LIPC: variants seen among roughly 807,000 people sequenced by gnomAD.
LIPC encodes lipase C, hepatic type, also known as hepatic triacylglycerol lipase.
In LIPC, 44 loss-of-function variants were observed where a neutral mutation model predicts 50.7. The observed-to-expected ratio is 0.87, with a 90% CI of 0.68 to 1.11. The LOEUF (loss-of-function observed/expected upper bound fraction) is 1.11, where lower values mean the gene tolerates loss of function less well. Ranked by LOEUF, LIPC falls within the 50% of genes most tolerant of loss-of-function variation. The pLI, the probability that LIPC is intolerant of heterozygous loss-of-function variation, is 0.00. For missense variants in LIPC, 697 were observed against 648.2 expected (o/e 1.08, Z -0.82); for synonymous variants, 271 against 256.4 (o/e 1.06, Z -0.54).
intron 1 of LIPC, among the ~76,000 whole-genome samples, chr15:58,462,861 C>T (rs1422143626): frequency 6.6e-6 from 1 of 152,202 alleles, no homozygotes; most frequent in Admixed American, 6.5e-5. Flanking sequence ...ACCAGCTGAG[C>T]TCTGCTGGTC....
chr15:58,567,672 T>C (rs751852359), intron 8 of LIPC, among the ~76,000 whole-genome samples: 18 of 152,200 alleles, frequency 1.2e-4, no homozygotes, highest in Non-Finnish European at 1.6e-4. Flanking sequence ...TGGAATGTCA[T>C]GAAGCAGGTG....
intron 1 of LIPC, among the ~76,000 whole-genome samples, chr15:58,451,247 G>A (rs954308108): frequency 5.9e-5 from 9 of 152,124 alleles, no homozygotes; most frequent in African/African-American, 9.7e-5. Flanking sequence ...AACATATTTG[G>A]AGATACGAAA....
Position 58,568,812 on chromosome 15 carries a change from G to C in LIPC, c.1485G>C (p.Lys495Asn). The C allele has an allele frequency of 1.3e-6, 2 of 1,595,720 alleles. No individual in the cohort carries two copies. The highest frequency in any genetic ancestry group is 8.6e-7 in the Non-Finnish European group (1 of 1,165,188). The change falls in exon 9 of 9, where the codon AAG (lysine) becomes AAC (asparagine). Residue 495 changes from lysine (K) to asparagine (N), a missense_variant. Coordinates refer to ENST00000299022, the MANE Select transcript of LIPC (RefSeq NM_000236.3). ...VKCEIKSKTS[K>N]RKIR ...GTGAAATAAAGTCTAAAACATCAAA[G>C]CGAAAGATCAGATGAGATTTAATGA... is the stretch of plus-strand genomic sequence containing the variant.
At chr15:58,451,830 G>A (rs1474528555) in intron 1 of LIPC, among the ~76,000 whole-genome samples, 2 of 152,166 alleles carry the variant, frequency 1.3e-5, no homozygotes, top group Non-Finnish European at 2.9e-5. Flanking sequence ...TCACACAGCT[G>A]TGGCTCTGCA....
intron 1 of LIPC, among the ~76,000 whole-genome samples, chr15:58,513,673 C>T (rs1240619695): frequency 1.3e-5 from 2 of 152,100 alleles, no homozygotes; most frequent in Non-Finnish European, 2.9e-5. Flanking sequence ...TTAGCACGTC[C>T]CTCAAATAAA....
chr15:58,538,244 T>G (rs1595931342), intron 1 of LIPC, 89 bp from the exon 2 acceptor site: 1 of 1,266,730 alleles, frequency 7.9e-7, no homozygotes, highest in East Asian at 2.3e-5. Context: ...CTCTTTGGCT[T>G]GTGCTTGTAG....
intron 8 of LIPC, 118 bp downstream of exon 8, chr15:58,563,841 G>A: frequency 1.2e-6 from 1 of 860,476 alleles, no homozygotes; most frequent in Non-Finnish European, 1.9e-6. Flanking sequence ...CCCTAGTGAT[G>A]GAGTACAGAA....
At chr15:58,450,001 C>T (rs1223363408) in intron 1 of LIPC, among the ~76,000 whole-genome samples, 1 of 152,188 alleles carries the variant, frequency 6.6e-6, no homozygotes, top group Admixed American at 6.5e-5. Context: ...AGCCTGTCCT[C>T]TGTCCAGAGT....
At chr15:58,474,595 A>T (rs1262821194) in intron 1 of LIPC, among the ~76,000 whole-genome samples, 1 of 151,614 alleles carries the variant, frequency 6.6e-6, no homozygotes, top group African/African-American at 2.4e-5. Context: ...ATTTATCAGC[A>T]TTTTGTAGAG....
At chr15:58,437,260 G>A (rs1239299097) in intron 1 of LIPC, among the ~76,000 whole-genome samples, 1 of 152,158 alleles carries the variant, frequency 6.6e-6, no homozygotes, top group Non-Finnish European at 1.5e-5. Context: ...ATTTTGAGTG[G>A]GGAGCAGGTG....
chr15:58,521,710 G>C (rs1328226852), intron 1 of LIPC: 1 of 152,478 alleles, frequency 6.6e-6, no homozygotes, highest in Non-Finnish European at 1.5e-5. Context: ...CTCAGTGGGG[G>C]GTGAGCCAGT....
chr15:58,548,259 C>G, intron 5 of LIPC, 71 bp from the exon 6 acceptor site: 2 of 1,610,262 alleles, frequency 1.2e-6, no homozygotes, highest in Middle Eastern at 1.7e-4. Flanking sequence ...GGATGAGAAC[C>G]AAGGTGATCC....
At chr15:58,535,780 G>A (rs1893097846) in intron 1 of LIPC, among the ~76,000 whole-genome samples, 1 of 152,196 alleles carries the variant, frequency 6.6e-6, no homozygotes, top group Non-Finnish European at 1.5e-5. Context: ...AACCTCATAA[G>A]ATAGGCACTA....
chr15:58,538,607 G>A (rs1893221848), intron 2 of LIPC, 90 bp downstream of exon 2: 1 of 1,322,630 alleles, frequency 7.6e-7, no homozygotes, highest in Non-Finnish European at 1.1e-6. Context: ...AAGATAGGGA[G>A]CTGGTGATAA....
chr15:58,554,924 C>T (rs1893882502), intron 6 of LIPC, among the ~76,000 whole-genome samples: 1 of 152,186 alleles, frequency 6.6e-6, no homozygotes, highest in African/African-American at 2.4e-5. Flanking sequence ...CTCAAGGGTG[C>T]CTCAGCCATC....
intron 1 of LIPC, among the ~76,000 whole-genome samples, chr15:58,459,003 G>A (rs113241725): frequency 3.3e-5 from 5 of 152,180 alleles, no homozygotes; most frequent in African/African-American, 1.2e-4. Flanking sequence ...AGAAAAAGGT[G>A]CTAGGTCATA....
chr15:58,438,926 G>C (rs1284893148), intron 1 of LIPC, among the ~76,000 whole-genome samples: 10 of 152,200 alleles, frequency 6.6e-5, no homozygotes, highest in African/African-American at 2.2e-4. Context: ...GGGTGGGGAG[G>C]CATGGGGAAA....
chr15:58,496,883 C>T (rs1891789537), intron 1 of LIPC, among the ~76,000 whole-genome samples: 2 of 152,126 alleles, frequency 1.3e-5, no homozygotes, highest in Admixed American at 1.3e-4. Context: ...TAGGGTTTCA[C>T]TATGTTGGCC....
intron 1 of LIPC, among the ~76,000 whole-genome samples, chr15:58,534,694 A>G (rs758650202): frequency 6.6e-6 from 1 of 152,198 alleles, no homozygotes; most frequent in Non-Finnish European, 1.5e-5. Context: ...CAGGAATGCT[A>G]TAACTGATCC....
Sources: allele counts gnomAD v4.1 joint callset (sites outside exome capture counted in the v4.1 genomes callset), GRCh38; gene constraint gnomAD v4.1.1; transcripts MANE v1.5; gene names NCBI Gene and HGNC (gene_info 2026-07-23, HGNC 2026-07-21).